NEB: variants seen among roughly 807,000 people sequenced by gnomAD.
The protein encoded by NEB is nemaline myopathy type 2.
Under a neutral mutation model 952.2 loss-of-function variants are expected in NEB, and 512 were observed. That is an observed-to-expected ratio of 0.54 (90% CI 0.50 to 0.58). NEB has a LOEUF of 0.58. Among genes scored for constraint, NEB ranks in the 20% least tolerant of loss-of-function variants. The pLI, the probability that NEB is intolerant of heterozygous loss-of-function variation, is 0.00. For missense variants in NEB, 8,428 were observed against 9,231.1 expected (o/e 0.91, Z 3.56); for synonymous variants, 2,900 against 3,149.8 (o/e 0.92, Z 2.66).
intron 106 of NEB, 32 bp downstream of exon 106, chr2:151,576,118 TA>T (rs768373324): frequency 1.4e-6 from 2 of 1,469,786 alleles, no homozygotes; most frequent in Admixed American, 3.7e-5. Context: ...TTTATGGCAT[TA>T]ATTCAATTTT....
At chr2:151,638,362 A>G (rs2098800490) in intron 63 of NEB, among the ~76,000 whole-genome samples, 1 of 152,152 alleles carries the variant, frequency 6.6e-6, no homozygotes, top group African/African-American at 2.4e-5. Flanking sequence ...TGAGAGTCAC[A>G]TTTTACTAGT....
At chr2:151,535,854 C>T in intron 141 of NEB, 59 bp from the exon 142 acceptor site, 1 of 877,016 alleles carries the variant, frequency 1.1e-6, no homozygotes, top group Non-Finnish European at 1.8e-6. Flanking sequence ...AAGAATGAGA[C>T]ATGCTGTTTA....
intron 63 of NEB, among the ~76,000 whole-genome samples, chr2:151,636,921 C>T (rs1039666864): frequency 6.6e-6 from 1 of 151,838 alleles, no homozygotes; most frequent in Non-Finnish European, 1.5e-5. Flanking sequence ...ACAATAAATC[C>T]AGTTTAAAAA....
At chr2:151,664,727 TC>T in intron 43 of NEB, 31 bp downstream of exon 43, 5 of 1,566,766 alleles carry the variant, frequency 3.2e-6, no homozygotes, top group Non-Finnish European at 4.4e-6. Flanking sequence ...TTTAACCTTC[TC>T]CCCAGCTTTT....
intron 11 of NEB, 139 bp downstream of exon 11, chr2:151,710,295 A>G (rs2099740905): frequency 1.2e-5 from 6 of 491,570 alleles, no homozygotes; most frequent in African/African-American, 2.0e-5. Flanking sequence ...CTTAAAAGGA[A>G]CTCTGCACCA....
intron 95 of NEB, among the ~76,000 whole-genome samples, chr2:151,591,778 G>GT (rs1273342650): frequency 5.9e-5 from 9 of 152,298 alleles, no homozygotes; most frequent in Non-Finnish European, 1.3e-4. Context: ...TGAGAACTAG[G>GT]TATTACTCTA....
intron 107 of NEB, among the ~76,000 whole-genome samples, chr2:151,572,648 C>T (rs892096957): frequency 1.1e-4 from 16 of 149,322 alleles, no homozygotes; most frequent in African/African-American, 3.9e-4. Context: ...TAGGTTCAAA[C>T]GATTCTTGTG....
chr2:151,491,731 CAT>C lies in NEB; in HGVS notation c.25100_25101del (p.Tyr8367Ter). 1 of 1,598,502 alleles carries C rather than the reference CAT, an allele frequency of 6.3e-7. No homozygotes were observed. Among genetic ancestry groups the C allele is most frequent in the Non-Finnish European group, 8.5e-7 (1 of 1,172,080 alleles). ...WRTNPGSVFD[Y>X]DPAEDNIQSR... ...GACTGGATGTTGTCTTCTGCTGGAT[CAT>C]AGTCAAAAACCGAACCAGGATTAGT... On this transcript the variant is annotated frameshift_variant, in exon 179 of 182. Transcript: ENST00000397345. LOFTEE classifies it high-confidence loss of function.
chr2:151,493,121 T>C (rs2057858834), intron 176 of NEB: 1 of 471,450 alleles, frequency 2.1e-6, no homozygotes, highest in African/African-American at 2.0e-5. Flanking sequence ...TTGTTATGTT[T>C]AGTATGATGG....
Position 151,620,938 on chromosome 2 carries a change from G to T in NEB, c.10541C>A (p.Ser3514Tyr), listed in dbSNP as rs2098403624. The T allele has an allele frequency of 1.9e-6, 3 of 1,612,040 alleles. No individual in the cohort carries two copies. The highest frequency in any genetic ancestry group is 3.3e-5 in the Admixed American group (2 of 59,814). Residue 3514 changes from serine to tyrosine, a missense_variant, in exon 72 of 182, where the codon TCT becomes TAT. Ser to Tyr is a moderately radical substitution (Grantham distance 144). Coordinates refer to ENST00000397345, the MANE Select transcript of NEB (RefSeq NM_001164508.2). ...DAIPIVAAKASRDIASDYKYK... is the reference protein window; with the variant it reads ...DAIPIVAAKAYRDIASDYKYK... ...TCTTACATCACTGGCAATATCCCGA[G>T]AGGCCTTGGCAGCCACAATGGGAAT...
chr2:151,729,117 A>G (rs2099799347), intron 4 of NEB, among the ~76,000 whole-genome samples: 1 of 152,206 alleles, frequency 6.6e-6, no homozygotes, highest in South Asian at 2.1e-4. Flanking sequence ...TAGGTTATTT[A>G]GAATTGCTAA....
intron 135 of NEB, among the ~76,000 whole-genome samples, chr2:151,542,192 G>GT (rs2094153897): frequency 6.6e-6 from 1 of 152,066 alleles, no homozygotes; most frequent in African/African-American, 2.4e-5. Flanking sequence ...TCTTCCCTAG[G>GT]TGGCTTCCTG....
At chr2:151,548,187 T>C in intron 131 of NEB, 121 bp downstream of exon 131, 1 of 835,718 alleles carries the variant, frequency 1.2e-6, no homozygotes, top group Non-Finnish European at 1.9e-6. Flanking sequence ...ATAAGGACCT[T>C]TTTCATTTTT....
At chr2:151,572,460 TTTA>T (rs2096664139) in intron 107 of NEB, among the ~76,000 whole-genome samples, 2 of 147,932 alleles carry the variant, frequency 1.4e-5, no homozygotes, top group Admixed American at 1.4e-4. Flanking sequence ...TGTAATGCTT[TTTA>T]TGAGATTGAA....
At chr2:151,617,660 G>A (rs2098247563) in intron 74 of NEB, among the ~76,000 whole-genome samples, 192 bp from the exon 75 acceptor site, 1 of 151,652 alleles carries the variant, frequency 6.6e-6, no homozygotes, top group Non-Finnish European at 1.5e-5. Context: ...GGACTTATCG[G>A]TTATGAAAAG....
In NEB at chr2:151,618,267, A is replaced by C; in HGVS notation, c.11076+8T>G. On this transcript the variant is annotated splice_region_variant and intron_variant, in intron 74 of 181. Coordinates refer to ENST00000397345, the MANE Select transcript of NEB (RefSeq NM_001164508.2). ...TTCGGTATCTAACAGTGAGGATTGA[A>C]GACTCACCTTATTCATGTTTAAAGC... The C allele has an allele frequency of 6.2e-7, 1 of 1,612,696 alleles. No individual in the cohort carries two copies. Among genetic ancestry groups the C allele is most frequent in the Non-Finnish European group, 8.5e-7 (1 of 1,178,704 alleles).
At chr2:151,541,309 C>T (rs2094019628) in intron 136 of NEB, 138 bp downstream of exon 136, 1 of 598,072 alleles carries the variant, frequency 1.7e-6, no homozygotes. Context: ...ACTGCTTCTT[C>T]AAGTGCAGTG....
chr2:151,670,762 G>A (rs1000601319), intron 38 of NEB, among the ~76,000 whole-genome samples: 4 of 152,142 alleles, frequency 2.6e-5, no homozygotes, highest in African/African-American at 7.2e-5. Flanking sequence ...TGTATAATGC[G>A]TATCTGCTTA....
Position 151,642,876 on chromosome 2 carries a change from G to GA in NEB, c.8161-8dup. Reference sequence around the variant, plus strand: ...AAGCTTCTGTATAGAGGCGCTAAGAGAAACAGAAAAACATGACTGGTATAG... The same window carrying GA: ...AAGCTTCTGTATAGAGGCGCTAAGAGAAAACAGAAAAACATGACTGGTATAG... On this transcript the variant is annotated splice_region_variant and splice_polypyrimidine_tract_variant and intron_variant, in intron 58 of 181. Transcript: ENST00000397345. The GA allele has an allele frequency of 6.3e-7, 1 of 1,589,058 alleles. No homozygotes were observed. Among genetic ancestry groups the GA allele is most frequent in the Non-Finnish European group, 8.6e-7 (1 of 1,162,614 alleles).
Sources: gnomAD v4.1 joint callset for allele counts (sites outside exome capture counted in the v4.1 genomes callset) on GRCh38, gnomAD v4.1.1 for gene constraint, MANE v1.5 for transcripts, NCBI Gene and HGNC (gene_info 2026-07-23, HGNC 2026-07-21) for gene names.